Variants in SPHKAP observed in about 807,000 individuals in gnomAD.
SPHKAP encodes the protein SPHK1 interactor, AKAP domain containing.
In SPHKAP, 67 loss-of-function variants were observed where a neutral mutation model predicts 137.5. That is an observed-to-expected ratio of 0.49 (90% CI 0.40 to 0.60). The LOEUF (loss-of-function observed/expected upper bound fraction) is 0.60, where lower values mean the gene tolerates loss of function less well. SPHKAP is among the 20% of genes least tolerant of loss of function. The probability of loss-of-function intolerance (pLI) is 0.00; values close to 1 mark genes in which losing one functional copy is unlikely to be tolerated. For synonymous variants in SPHKAP, 813 were observed against 785.3 expected (o/e 1.04, Z -0.59); for missense variants, 2,097 against 2,069.3 (o/e 1.01, Z -0.26).
rs140730293 is a variant in SPHKAP at position 228,018,445 on chromosome 2, G to A, written c.2409C>T (p.Gly803=). The A allele has an allele frequency of 9.3e-6, 15 of 1,614,056 alleles. No individual in the cohort carries two copies. Among genetic ancestry groups the A allele is most frequent in the Middle Eastern group, 3.3e-4 (2 of 6,062 alleles). Residue 803 remains glycine (G), a synonymous_variant, in exon 7 of 12, where the codon GGC becomes GGT. Transcript: ENST00000392056. ...ACTGCAGCGTGGGGTTCTTGAAGAGGCCTGGCCTCACTCCACCCTTGTCTT... is the reference window on the plus strand; with the variant it reads ...ACTGCAGCGTGGGGTTCTTGAAGAGACCTGGCCTCACTCCACCCTTGTCTT... The part of the protein sequence containing the change: ...SKQDKGGVRP[G]LFKNPTLQSQ...
chr2:228,060,498 A>G (rs1361094616), intron 3 of SPHKAP, among the ~76,000 whole-genome samples: 5 of 152,216 alleles, frequency 3.3e-5, no homozygotes, highest in African/African-American at 7.2e-5. Context: ...AATTTTGATG[A>G]GTGAAAGAAC....
intron 6 of SPHKAP, 106 bp downstream of exon 6, chr2:228,021,605 G>T: frequency 7.5e-7 from 1 of 1,328,842 alleles, no homozygotes; most frequent in Non-Finnish European, 1.0e-6. Flanking sequence ...AGTAAAGACT[G>T]TGATGTGTCA....
At chr2:228,077,334 G>C (rs1046680052) in intron 3 of SPHKAP, among the ~76,000 whole-genome samples, 2 of 152,168 alleles carry the variant, frequency 1.3e-5, no homozygotes, top group East Asian at 3.9e-4. Flanking sequence ...AGCTTGCACT[G>C]TGCACCTGGA....
In SPHKAP at chr2:228,070,946, G is replaced by T. The variant is rs1696985733; in HGVS notation, c.246+37886C>A. On this transcript the variant is annotated intron_variant, in intron 3 of 11. Coordinates refer to ENST00000392056, the MANE Select transcript of SPHKAP (RefSeq NM_001142644.2). ...TCGGTGTTGAACTCATGGGGTTCTGGGTGGCCCTGGGCATTGTTCAGTATC... is the reference window on the plus strand; with the variant it reads ...TCGGTGTTGAACTCATGGGGTTCTGTGTGGCCCTGGGCATTGTTCAGTATC... 2.0e-5 allele frequency among the ~76,000 whole-genome samples: 3 copies of T among 152,040 alleles called. No homozygotes were observed. In the South Asian group the frequency reaches 6.2e-4, roughly 32 times the overall value.
intron 3 of SPHKAP, among the ~76,000 whole-genome samples, chr2:228,094,409 C>T (rs941539502): frequency 5.9e-5 from 9 of 152,046 alleles, no homozygotes; most frequent in Non-Finnish European, 1.2e-4. Flanking sequence ...TTGGGTTCTG[C>T]GATTTCACAA....
chr2:228,008,683 AT>A (rs35526328), intron 7 of SPHKAP, among the ~76,000 whole-genome samples: 112,028 of 144,864 alleles, frequency 0.77, 43,516 homozygotes, highest in African/African-American at 0.91. Flanking sequence ...GTCTGGATTC[AT>A]TTTTTTTTTT....
At chr2:228,170,336 C>G (rs1700546473) in intron 1 of SPHKAP, among the ~76,000 whole-genome samples, 3 of 152,092 alleles carry the variant, frequency 2.0e-5, no homozygotes, top group Admixed American at 1.3e-4. Flanking sequence ...ATAAACTTAA[C>G]TGATAAAGCA....
chr2:228,052,741 CTCTT>C (rs1559148514), intron 3 of SPHKAP, among the ~76,000 whole-genome samples: 2 of 151,912 alleles, frequency 1.3e-5, no homozygotes, highest in African/African-American at 2.4e-5. Context: ...AAAACTTTTT[CTCTT>C]TCTTTCTTTG....
chr2:228,122,181 C>T (rs1357559988), intron 2 of SPHKAP, among the ~76,000 whole-genome samples: 1 of 152,076 alleles, frequency 6.6e-6, no homozygotes, highest in Admixed American at 6.6e-5. Context: ...GGAATGACCA[C>T]AGGAATTCAG....
At chr2:228,104,306 A>G (rs1698271384) in intron 3 of SPHKAP, among the ~76,000 whole-genome samples, 1 of 144,578 alleles carries the variant, frequency 6.9e-6, no homozygotes, top group South Asian at 2.1e-4. Flanking sequence ...ATTATATAAT[A>G]ATATTAATAA....
chr2:228,085,248 T>C (rs1203110819), intron 3 of SPHKAP, among the ~76,000 whole-genome samples: 1 of 152,244 alleles, frequency 6.6e-6, no homozygotes, highest in Non-Finnish European at 1.5e-5. Flanking sequence ...CTGTTAACTT[T>C]AATGTCAGGT....
intron 3 of SPHKAP, among the ~76,000 whole-genome samples, chr2:228,101,099 A>G (rs1379716300): frequency 6.6e-6 from 1 of 152,104 alleles, no homozygotes; most frequent in East Asian, 1.9e-4. Context: ...TGATATTGCC[A>G]ATAACTCCAA....
At chr2:228,175,256 C>T (rs1700704269) in intron 1 of SPHKAP, among the ~76,000 whole-genome samples, 1 of 151,696 alleles carries the variant, frequency 6.6e-6, no homozygotes. Flanking sequence ...AAACTTGGAT[C>T]TATGCAAATG....
chr2:228,154,066 A>G (rs1218884106), intron 1 of SPHKAP, among the ~76,000 whole-genome samples: 26 of 152,196 alleles, frequency 1.7e-4, no homozygotes, highest in Admixed American at 1.7e-3. Context: ...CTTAAAAATG[A>G]TCAGATTTTA....
chr2:228,013,583 G>A (rs1300068922), intron 7 of SPHKAP, among the ~76,000 whole-genome samples: 1 of 152,150 alleles, frequency 6.6e-6, no homozygotes, highest in Non-Finnish European at 1.5e-5. Flanking sequence ...CCTGGAATAA[G>A]GGTAATCATA....
At chr2:228,125,274 C>T (rs1297429538) in intron 2 of SPHKAP, among the ~76,000 whole-genome samples, 1 of 152,104 alleles carries the variant, frequency 6.6e-6, no homozygotes, top group Non-Finnish European at 1.5e-5. Flanking sequence ...GGAAATATGA[C>T]ATTGAATATA....
At chr2:228,166,944 G>A (rs1484571650) in intron 1 of SPHKAP, among the ~76,000 whole-genome samples, 1 of 152,100 alleles carries the variant, frequency 6.6e-6, no homozygotes, top group Non-Finnish European at 1.5e-5. Context: ...CATGGTGAGA[G>A]CAGGATCCAG....
At chr2:228,129,424 A>G (rs1699177752) in intron 2 of SPHKAP, among the ~76,000 whole-genome samples, 1 of 152,204 alleles carries the variant, frequency 6.6e-6, no homozygotes, top group Admixed American at 6.5e-5. Flanking sequence ...TTTTTACAAG[A>G]GAAACCAGTA....
intron 3 of SPHKAP, among the ~76,000 whole-genome samples, chr2:228,068,277 A>T (rs1021452361): frequency 3.9e-5 from 6 of 152,184 alleles, no homozygotes; most frequent in African/African-American, 1.2e-4. Flanking sequence ...TGGAGGAATC[A>T]ATACTGTTAA....
Sources: allele counts gnomAD v4.1 joint callset (sites outside exome capture counted in the v4.1 genomes callset), GRCh38; gene constraint gnomAD v4.1.1; transcripts MANE v1.5; gene names NCBI Gene and HGNC (gene_info 2026-07-23, HGNC 2026-07-21).